CDK5R1: variants seen among roughly 807,000 people sequenced by gnomAD.
CDK5R1 encodes cyclin dependent kinase 5 regulatory subunit 1.
Under a neutral mutation model 19.0 loss-of-function variants are expected in CDK5R1, and 1 was observed. The observed-to-expected ratio is 0.05, with a 90% CI of 0.02 to 0.25. The LOEUF is 0.25. Among genes scored for constraint, CDK5R1 ranks in the 10% least tolerant of loss-of-function variants. CDK5R1 has a pLI of 1.00. For synonymous variants in CDK5R1, 225 were observed against 187.7 expected, an observed-to-expected ratio of 1.20 and a Z score of -1.62; for missense variants, 314 against 401.0, an observed-to-expected ratio of 0.78 and a Z score of 1.85.
chr17:32,488,587 T>A lies in CDK5R1; in HGVS notation c.*43T>A, dbSNP rs1217882269. On this transcript the variant is annotated 3_prime_UTR_variant, in exon 2 of 2. Coordinates refer to ENST00000313401, the MANE Select transcript of CDK5R1 (RefSeq NM_003885.3). ...ATGGCTCAAGGATTCAATGCATTTTTAAGAATTTATTATTAAATCAGTTTT... is the reference window on the plus strand; with the variant it reads ...ATGGCTCAAGGATTCAATGCATTTTAAAGAATTTATTATTAAATCAGTTTT... The A allele has an allele frequency of 3.7e-6, 6 of 1,613,030 alleles. No individual in the cohort carries two copies. Among genetic ancestry groups the A allele is most frequent in the East Asian group, 4.5e-5 (2 of 44,868 alleles).
At position 32,490,345 on chromosome 17, in the gene CDK5R1, G is replaced by T. The variant is rs1023693043; in HGVS notation, c.*1801G>T. 2 of 167,228 alleles carry T rather than the reference G, an allele frequency of 1.2e-5. No homozygotes were observed. Among genetic ancestry groups the T allele is most frequent in the African/African-American group, 4.8e-5 (2 of 41,464 alleles). 10.4% of individuals were successfully genotyped at this position (167,228 alleles called of 1,614,324 possible). A position where few individuals can be genotyped will look rare whatever the true frequency, so the allele number is the denominator to read the frequency against. On this transcript the variant is annotated 3_prime_UTR_variant, in exon 2 of 2. Transcript: ENST00000313401. Reference sequence around the variant, plus strand: ...AGGGAGGGTCAGTGCCAAGTCTCAGGAGGAGGGCGCATGTGTGTATCACCC... The same window carrying T: ...AGGGAGGGTCAGTGCCAAGTCTCAGTAGGAGGGCGCATGTGTGTATCACCC...
In CDK5R1 at chr17:32,487,948, C is replaced by G; in HGVS notation, c.328C>G (p.Pro110Ala). Reference sequence around the variant, plus strand: ...CCCACCGGCCCAGCCGCCTGCACCCCCGGCCAGCCAGCTCTCGGGTTCCCA... The same window carrying G: ...CCCACCGGCCCAGCCGCCTGCACCCGCGGCCAGCCAGCTCTCGGGTTCCCA... ...QPPPAQPPAP[P>A]ASQLSGSQTG... is the part of the protein sequence containing the mutation. The change falls in exon 2 of 2, where the codon CCG becomes GCG. Residue 110 changes from proline (P) to alanine (A), a missense_variant. Pro to Ala is a conservative substitution (Grantham distance 27). This residue lies in a region of CDK5R1 where 197 missense variants were observed against 230.2 expected (regional missense o/e 0.86). Coordinates refer to ENST00000313401, the MANE Select transcript of CDK5R1 (RefSeq NM_003885.3). This position sits in a 1 kb window ranked among gnomAD's most constrained non-coding sequence, Gnocchi z 7.9. 1 of 1,613,444 alleles carries G rather than the reference C, an allele frequency of 6.2e-7. No individual in the cohort carries two copies. Among genetic ancestry groups the G allele is most frequent in the Non-Finnish European group, 8.5e-7 (1 of 1,179,980 alleles).
At position 32,488,528 on chromosome 17, in the gene CDK5R1, T is replaced by C. The variant is rs1908759159; in HGVS notation, c.908T>C (p.Leu303Pro). 6.2e-7 allele frequency: 1 copy of C among 1,614,178 alleles called. No individual in the cohort carries two copies. Among genetic ancestry groups the C allele is most frequent in the Non-Finnish European group, 8.5e-7 (1 of 1,180,032 alleles). ...CAGGAGGACAAGAAGCGGCTCCTCC[T>C]AGGCCTGGATCGGTGAGCACTGTAG... is the stretch of plus-strand genomic sequence containing the variant. Reference protein sequence around the residue: ...SGQEDKKRLLLGLDR With the variant: ...SGQEDKKRLLPGLDR Residue 303 changes from leucine (L) to proline (P), a missense_variant, in exon 2 of 2, where the codon CTA becomes CCA. This residue lies in a region of CDK5R1 where 106 missense variants were observed against 132.1 expected (regional missense o/e 0.80). Transcript: ENST00000313401.
Position 32,488,046 on chromosome 17 carries a change from C to T in CDK5R1, c.426C>T (p.Val142=). The change falls in exon 2 of 2, where the codon GTC becomes GTT. Residue 142 remains valine (V), a synonymous_variant. Coordinates refer to ENST00000313401, the MANE Select transcript of CDK5R1 (RefSeq NM_003885.3). ...AVTSAGTPKR[V]IVQASTSELL... ...CCTCCGCAGGGACGCCCAAACGGGT[C>T]ATCGTCCAGGCGTCCACCAGTGAGC... 6.2e-7 allele frequency: 1 copy of T among 1,612,536 alleles called. No homozygotes were observed. The highest frequency in any genetic ancestry group is 8.5e-7 in the Non-Finnish European group (1 of 1,179,312).
chr17:32,487,490 G>T lies in CDK5R1; in HGVS notation c.-131G>T. 1 of 640,444 alleles carries T rather than the reference G, an allele frequency of 1.6e-6. No individual in the cohort carries two copies. Among genetic ancestry groups the T allele is most frequent in the Non-Finnish European group, 2.6e-6 (1 of 377,634 alleles). 39.7% of individuals were successfully genotyped at this position (640,444 alleles called of 1,614,324 possible). A position where few individuals can be genotyped will look rare whatever the true frequency, so the allele number is the denominator to read the frequency against. The stretch of plus-strand genomic sequence containing the variant: ...TTGTTTTCCAGGCAGATCCAAGGGG[G>T]CAGCACGCTTCCCGGGAGCGCCCCC... On this transcript the variant is annotated 5_prime_UTR_variant, in exon 2 of 2. Coordinates refer to ENST00000313401, the MANE Select transcript of CDK5R1 (RefSeq NM_003885.3). The surrounding 1 kb of genome is among the most constrained non-coding windows in gnomAD (Gnocchi z 7.9).
Position 32,487,850 on chromosome 17 carries a change from A to C in CDK5R1, c.230A>C (p.Asn77Thr), listed in dbSNP as rs150042369. ...CAGCCCAACAGCAGCTACCAGAACA[A>C]CATCACGCACCTCAACAATGAGAAC... ...KVQPNSSYQNNITHLNNENLK... is the reference protein window; with the variant it reads ...KVQPNSSYQNTITHLNNENLK... Residue 77 changes from asparagine to threonine, a missense_variant, in exon 2 of 2, where the codon AAC becomes ACC. By Grantham distance (65) the Asn-to-Thr change is moderately conservative. This residue lies in a region of CDK5R1 where 197 missense variants were observed against 230.2 expected (regional missense o/e 0.86). Transcript: ENST00000313401. This position sits in a 1 kb window ranked among gnomAD's most constrained non-coding sequence, Gnocchi z 7.9. The C allele has an allele frequency of 7.2e-4, 1,164 of 1,613,964 alleles. 1 individual carries two copies. The highest frequency in any genetic ancestry group is 9.5e-4 in the Non-Finnish European group (1,123 of 1,180,012).
rs533908625 is a variant in CDK5R1, at chr17:32,490,169, G to C, written c.*1625G>C. On this transcript the variant is annotated 3_prime_UTR_variant, in exon 2 of 2. Transcript: ENST00000313401. ...GCCCAGCAGAGCCGTTCCTGGGACT[G>C]TCAGATAATCGGTGCAGCGGTGGAA... 1 of 167,250 alleles carries C rather than the reference G, an allele frequency of 6.0e-6. No individual in the cohort carries two copies. The highest frequency in any genetic ancestry group is 2.1e-4 in the South Asian group (1 of 4,828). 10.4% of individuals were successfully genotyped at this position (167,250 alleles called of 1,614,324 possible).
Position 32,491,247 on chromosome 17 carries a change from C to A in CDK5R1, c.*2703C>A, listed in dbSNP as rs1908860805. 2 of 166,886 alleles carry A rather than the reference C, an allele frequency of 1.2e-5. No homozygotes were observed. The highest frequency in any genetic ancestry group is 4.1e-4 in the South Asian group (2 of 4,826). 10.3% of individuals were successfully genotyped at this position (166,886 alleles called of 1,614,324 possible). A position where few individuals can be genotyped will look rare whatever the true frequency, so the allele number is the denominator to read the frequency against. On this transcript the variant is annotated 3_prime_UTR_variant, in exon 2 of 2. Coordinates refer to ENST00000313401, the MANE Select transcript of CDK5R1 (RefSeq NM_003885.3). ...GTGCTGATTCAATAAAATGCACTGA[C>A]CATCCATTACAGAGACCTCTTTTTG...
Position 32,487,731 on chromosome 17 carries a change from G to A in CDK5R1, c.111G>A (p.Lys37=). ...CCGTACAGAACAGCAAGAACGCCAA[G>A]GACAAGAACCTGAAGCGCCACTCCA... The part of the protein sequence containing the change: ...YTAVQNSKNA[K]DKNLKRHSII... The change falls in exon 2 of 2, where the codon AAG becomes AAA. Residue 37 remains lysine (K), a synonymous_variant. Transcript: ENST00000313401. The surrounding 1 kb of genome is among the most constrained non-coding windows in gnomAD (Gnocchi z 7.9). 6.2e-7 allele frequency: 1 copy of A among 1,614,068 alleles called. No homozygotes were observed. The highest frequency in any genetic ancestry group is 8.5e-7 in the Non-Finnish European group (1 of 1,179,990).
chr17:32,487,560 C>G lies in CDK5R1; in HGVS notation c.-61C>G. 7.0e-7 allele frequency: 1 copy of G among 1,432,982 alleles called. No individual in the cohort carries two copies. Among genetic ancestry groups the G allele is most frequent in the Admixed American group, 2.1e-5 (1 of 47,850 alleles). The allele number at this position is 1,432,982 out of a possible 1,614,324, so 88.8% of individuals were successfully genotyped here. A position where few individuals can be genotyped will look rare whatever the true frequency, so the allele number is the denominator to read the frequency against. ...CGCAGGCTCGGTGAGCGGTTTTATC[C>G]CTCCGGCCGGCAGGCTGGGCGCGCA... On this transcript the variant is annotated 5_prime_UTR_variant, in exon 2 of 2. Transcript: ENST00000313401. The surrounding 1 kb of genome is among the most constrained non-coding windows in gnomAD (Gnocchi z 7.9).
chr17:32,488,517 G>A lies in CDK5R1; in HGVS notation c.897G>A (p.Lys299=). ...ACGAGAGCGGCCAGGAGGACAAGAA[G>A]CGGCTCCTCCTAGGCCTGGATCGGT... The part of the protein sequence containing the change: ...LKNESGQEDK[K]RLLLGLDR Residue 299 remains lysine, a synonymous_variant, in exon 2 of 2, where the codon AAG becomes AAA. Coordinates refer to ENST00000313401, the MANE Select transcript of CDK5R1 (RefSeq NM_003885.3). 1.2e-6 allele frequency: 2 copies of A among 1,614,206 alleles called. No homozygotes were observed. Among genetic ancestry groups the A allele is most frequent in the South Asian group, 2.2e-5 (2 of 91,084 alleles).
chr17:32,487,012 C>CCGCCGCCGT lies in CDK5R1; in HGVS notation c.-288_-287insTCGCCGCCG. 6.5e-6 allele frequency: 1 copy of CCGCCGCCGT among 153,188 alleles called. No homozygotes were observed. Among genetic ancestry groups the CCGCCGCCGT allele is most frequent in the African/African-American group, 2.5e-5 (1 of 39,256 alleles). The allele number at this position is 153,188 out of a possible 1,614,324, so 9.5% of individuals were successfully genotyped here. ...TTGGACAGAAGCTCCCTAGCTGCCG[C>CCGCCGCCGT]CGCCGCCGCCGCCGCCGTCGCCGCC... On this transcript the variant is annotated 5_prime_UTR_variant, in exon 1 of 2. Coordinates refer to ENST00000313401, the MANE Select transcript of CDK5R1 (RefSeq NM_003885.3). This position sits in a 1 kb window ranked among gnomAD's most constrained non-coding sequence, Gnocchi z 7.9.
In CDK5R1 at chr17:32,487,415, C is replaced by T. The variant is rs1021415878; in HGVS notation, c.-145-61C>T. 1.5e-5 allele frequency: 6 copies of T among 410,440 alleles called. No homozygotes were observed. In the Admixed American group the frequency reaches 2.8e-4, roughly 19 times the overall value. 25.4% of individuals were successfully genotyped at this position (410,440 alleles called of 1,614,324 possible). A position where few individuals can be genotyped will look rare whatever the true frequency, so the allele number is the denominator to read the frequency against. Reference sequence around the variant, plus strand: ...CGCCGAGGCGCGGGGCGGAGGGGCGCAGGGGCGCAGGGGCGCGGCGCGGAG... The same window carrying T: ...CGCCGAGGCGCGGGGCGGAGGGGCGTAGGGGCGCAGGGGCGCGGCGCGGAG... On this transcript the variant is annotated intron_variant, in intron 1 of 1. Coordinates refer to ENST00000313401, the MANE Select transcript of CDK5R1 (RefSeq NM_003885.3). The surrounding 1 kb of genome is among the most constrained non-coding windows in gnomAD (Gnocchi z 7.9).
chr17:32,488,361 C>T lies in CDK5R1; in HGVS notation c.741C>T (p.Pro247=). ...MGNEISYPLK[P]FLVESCKEAF... is the part of the protein sequence containing the mutation. The stretch of plus-strand genomic sequence containing the variant: ...ACGAGATCTCCTACCCGCTCAAGCC[C>T]TTCCTGGTGGAGAGCTGCAAGGAGG... The change falls in exon 2 of 2, where the codon CCC becomes CCT. Residue 247 remains proline (P), a synonymous_variant. Transcript: ENST00000313401. 6.2e-7 allele frequency: 1 copy of T among 1,614,202 alleles called. No individual in the cohort carries two copies. Among genetic ancestry groups the T allele is most frequent in the East Asian group, 2.2e-5 (1 of 44,882 alleles).
Position 32,487,842 on chromosome 17 carries a change from C to T in CDK5R1, c.222C>T (p.Tyr74=). 1.2e-6 allele frequency: 2 copies of T among 1,614,106 alleles called. No homozygotes were observed. Among genetic ancestry groups the T allele is most frequent in the Non-Finnish European group, 1.7e-6 (2 of 1,180,004 alleles). ...NSKKVQPNSS[Y]QNNITHLNNE... ...AGAAGGTGCAGCCCAACAGCAGCTA[C>T]CAGAACAACATCACGCACCTCAACA... The change falls in exon 2 of 2, where the codon TAC becomes TAT. Residue 74 remains tyrosine (Y), a synonymous_variant. Coordinates refer to ENST00000313401, the MANE Select transcript of CDK5R1 (RefSeq NM_003885.3). This position sits in a 1 kb window ranked among gnomAD's most constrained non-coding sequence, Gnocchi z 7.9.
rs771037300 is a variant in CDK5R1 at position 32,487,609 on chromosome 17, C to CGCA, written c.-5_-3dup. On this transcript the variant is annotated 5_prime_UTR_variant, in exon 2 of 2. Transcript: ENST00000313401. The surrounding 1 kb of genome is among the most constrained non-coding windows in gnomAD (Gnocchi z 7.9). ...CAGGGGCGCGAGCCCCCGCCCGGCG[C>CGCA]GCAGCAGCACCATGGGCACGGTGCT... 6.9e-6 allele frequency: 11 copies of CGCA among 1,605,194 alleles called. No individual in the cohort carries two copies. In the Middle Eastern group the frequency reaches 5.0e-4, roughly 74 times the overall value.
rs1193144610 is a variant in CDK5R1, at chr17:32,489,108, C to CACACACCG, written c.*565_*572dup. Reference sequence around the variant, plus strand: ...GAAAGATTGTGTCTGGTCGTTTGACCACACACCGCCCTGATTTGCTGTTTT... The same window carrying CACACACCG: ...GAAAGATTGTGTCTGGTCGTTTGACCACACACCGACACACCGCCCTGATTTGCTGTTTT... On this transcript the variant is annotated 3_prime_UTR_variant, in exon 2 of 2. Coordinates refer to ENST00000313401, the MANE Select transcript of CDK5R1 (RefSeq NM_003885.3). 2 of 470,366 alleles carry CACACACCG rather than the reference C, an allele frequency of 4.3e-6. No individual in the cohort carries two copies. The highest frequency in any genetic ancestry group is 1.4e-4 in the East Asian group (2 of 14,392). The allele number at this position is 470,366 out of a possible 1,614,324, so 29.1% of individuals were successfully genotyped here. A position where few individuals can be genotyped will look rare whatever the true frequency, so the allele number is the denominator to read the frequency against.
Position 32,490,289 on chromosome 17 carries a change from C to T in CDK5R1, c.*1745C>T, listed in dbSNP as rs1182987285. The T allele has an allele frequency of 6.0e-6, 1 of 167,144 alleles. No individual in the cohort carries two copies. The highest frequency in any genetic ancestry group is 2.4e-5 in the African/African-American group (1 of 41,438). 10.4% of individuals were successfully genotyped at this position (167,144 alleles called of 1,614,324 possible). A position where few individuals can be genotyped will look rare whatever the true frequency, so the allele number is the denominator to read the frequency against. On this transcript the variant is annotated 3_prime_UTR_variant, in exon 2 of 2. Coordinates refer to ENST00000313401, the MANE Select transcript of CDK5R1 (RefSeq NM_003885.3). ...TTCAGATCCTGCTGCCGCGTGCGAC[C>T]AGAGGTGGGAGGCCCCTGGTGGCAT... is the stretch of plus-strand genomic sequence containing the variant.
rs1908727052 is a variant in CDK5R1 at position 32,487,779 on chromosome 17, G to A, written c.159G>A (p.Lys53=). The change falls in exon 2 of 2, where the codon AAG becomes AAA. Residue 53 remains lysine (K), a synonymous_variant. Coordinates refer to ENST00000313401, the MANE Select transcript of CDK5R1 (RefSeq NM_003885.3). This position sits in a 1 kb window ranked among gnomAD's most constrained non-coding sequence, Gnocchi z 7.9. ...RHSIISVLPW[K]RIVAVSAKKK... is the part of the protein sequence containing the mutation. ...CCATCATCTCCGTGCTGCCTTGGAAGAGAATCGTGGCCGTGTCGGCCAAGA... is the reference window on the plus strand; with the variant it reads ...CCATCATCTCCGTGCTGCCTTGGAAAAGAATCGTGGCCGTGTCGGCCAAGA... The A allele has an allele frequency of 6.2e-7, 1 of 1,614,180 alleles. No individual in the cohort carries two copies. Among genetic ancestry groups the A allele is most frequent in the Non-Finnish European group, 8.5e-7 (1 of 1,180,026 alleles).
Sources: allele counts gnomAD v4.1 joint callset, GRCh38; gene constraint gnomAD v4.1.1; regional missense constraint gnomAD v4.1.1; non-coding constraint Gnocchi (gnomAD v3.1); transcripts MANE v1.5; gene names NCBI Gene and HGNC (gene_info 2026-07-23, HGNC 2026-07-21).